PTPRD: variants seen among roughly 807,000 people sequenced by gnomAD.
PTPRD encodes the protein receptor-type tyrosine-protein phosphatase delta.
A neutral mutation model predicts 214.5 loss-of-function variants in PTPRD; 34 were observed. The observed-to-expected ratio is 0.16, with a 90% CI of 0.12 to 0.21. The LOEUF (loss-of-function observed/expected upper bound fraction) is 0.21, where lower values mean the gene tolerates loss of function less well. PTPRD is among the 10% of genes least tolerant of loss of function. The probability of loss-of-function intolerance (pLI) is 1.00; values close to 1 mark genes in which losing one functional copy is unlikely to be tolerated. For missense variants in PTPRD, 2,545 were observed against 2,398.7 expected (o/e 1.06, Z -1.27); for synonymous variants, 1,128 against 845.7 (o/e 1.33, Z -5.79).
intron 11 of PTPRD, among the ~76,000 whole-genome samples, chr9:8,950,447 T>C (rs186690386): frequency 6.6e-6 from 1 of 151,874 alleles, no homozygotes; most frequent in African/African-American, 2.4e-5. Flanking sequence ...AACCATCTGC[T>C]TATATGCACC....
intron 4 of PTPRD, among the ~76,000 whole-genome samples, chr9:10,026,695 A>G (rs2096929441): frequency 6.6e-6 from 1 of 152,074 alleles, no homozygotes; most frequent in Non-Finnish European, 1.5e-5. Context: ...ACCTCCCCAC[A>G]ATTTCAGTGT....
At chr9:8,394,737 TTAGG>T (rs2090623322) in intron 36 of PTPRD, among the ~76,000 whole-genome samples, 1 of 152,174 alleles carries the variant, frequency 6.6e-6, no homozygotes, top group Non-Finnish European at 1.5e-5. Flanking sequence ...GTCTCTCAGA[TTAGG>T]TAGGAACGCA....
chr9:9,951,345 A>G (rs539459239), intron 4 of PTPRD, among the ~76,000 whole-genome samples: 58 of 152,346 alleles, frequency 3.8e-4, no homozygotes, highest in South Asian at 1.4e-3. Flanking sequence ...TGTGTTAAAA[A>G]TTAGACCTAG....
At chr9:8,834,270 A>T (rs2154530675) in intron 11 of PTPRD, among the ~76,000 whole-genome samples, 1 of 152,176 alleles carries the variant, frequency 6.6e-6, no homozygotes, top group African/African-American at 2.4e-5. Flanking sequence ...TTTTAGATAG[A>T]TTTTTAAAAC....
intron 3 of PTPRD, among the ~76,000 whole-genome samples, chr9:10,243,754 C>T (rs1381913791): frequency 6.6e-6 from 1 of 152,012 alleles, no homozygotes. Flanking sequence ...CTTGCTCCAA[C>T]CTCTAATTCA....
At chr9:10,284,871 G>A (rs2095290584) in intron 3 of PTPRD, among the ~76,000 whole-genome samples, 1 of 152,170 alleles carries the variant, frequency 6.6e-6, no homozygotes, top group Admixed American at 6.5e-5. Flanking sequence ...TAAGGAGACA[G>A]GGAATGTAAG....
intron 3 of PTPRD, among the ~76,000 whole-genome samples, chr9:10,281,690 T>C (rs1386356004): frequency 6.6e-6 from 1 of 152,206 alleles, no homozygotes; most frequent in Non-Finnish European, 1.5e-5. Context: ...TATACTAAAA[T>C]TGTTGAATCC....
chr9:10,106,013 C>CAAAA (rs35421883), intron 3 of PTPRD, among the ~76,000 whole-genome samples: 16 of 56,660 alleles, frequency 2.8e-4, no homozygotes, highest in African/African-American at 7.3e-4. Flanking sequence ...ATCACATATT[C>CAAAA]AAAAAAAAAA....
At chr9:10,585,170 A>T (rs746342253) in intron 2 of PTPRD, among the ~76,000 whole-genome samples, 1 of 152,106 alleles carries the variant, frequency 6.6e-6, no homozygotes, top group African/African-American at 2.4e-5. Context: ...ATAGTGATGA[A>T]TGGGAGAAGG....
intron 2 of PTPRD, among the ~76,000 whole-genome samples, chr9:10,457,990 C>CA (rs1485136586): frequency 2.0e-5 from 3 of 151,696 alleles, no homozygotes; most frequent in Non-Finnish European, 4.4e-5. Context: ...ATATGAATTA[C>CA]AAAAGTGAAT....
At chr9:8,439,098 A>G (rs2095455314) in intron 34 of PTPRD, among the ~76,000 whole-genome samples, 1 of 152,220 alleles carries the variant, frequency 6.6e-6, no homozygotes, top group South Asian at 2.1e-4. Context: ...TGGATACCAT[A>G]TTGCACTCCA....
At chr9:8,818,383 A>G (rs2096967111) in intron 11 of PTPRD, among the ~76,000 whole-genome samples, 2 of 152,188 alleles carry the variant, frequency 1.3e-5, no homozygotes, top group Admixed American at 1.3e-4. Flanking sequence ...TTAATAACTT[A>G]TTTATAATAC....
At chr9:9,422,869 C>T (rs2079326956) in intron 8 of PTPRD, among the ~76,000 whole-genome samples, 1 of 152,170 alleles carries the variant, frequency 6.6e-6, no homozygotes, top group African/African-American at 2.4e-5. Flanking sequence ...AAACAAGGAG[C>T]TGAAAAGCTG....
intron 9 of PTPRD, among the ~76,000 whole-genome samples, chr9:9,395,641 C>G (rs1432042377): frequency 6.6e-6 from 1 of 152,024 alleles, no homozygotes; most frequent in Admixed American, 6.6e-5. Flanking sequence ...CCTCTTGACC[C>G]CATTATTCAT....
At chr9:8,852,217 A>G (rs2097831615) in intron 11 of PTPRD, among the ~76,000 whole-genome samples, 1 of 152,224 alleles carries the variant, frequency 6.6e-6, no homozygotes, top group African/African-American at 2.4e-5. Context: ...AGCTACTGCT[A>G]CATTAAAGAA....
chr9:10,012,420 A>T (rs2096620800), intron 4 of PTPRD, among the ~76,000 whole-genome samples: 1 of 151,928 alleles, frequency 6.6e-6, no homozygotes. Context: ...GCAACTTTTC[A>T]CTTATGTGTA....
At chr9:10,314,271 C>A (rs201455777) in intron 3 of PTPRD, among the ~76,000 whole-genome samples, 1 of 151,688 alleles carries the variant, frequency 6.6e-6, no homozygotes, top group East Asian at 1.9e-4. Flanking sequence ...GAGAAAAAGC[C>A]TCCAACCAGG....
intron 14 of PTPRD, among the ~76,000 whole-genome samples, chr9:8,580,804 A>G (rs1286976224): frequency 6.6e-6 from 1 of 152,234 alleles, no homozygotes; most frequent in Non-Finnish European, 1.5e-5. Flanking sequence ...TTATATAAAC[A>G]GCAAATAGCA....
intron 8 of PTPRD, among the ~76,000 whole-genome samples, chr9:9,461,107 G>A (rs1489451042): frequency 2.0e-5 from 3 of 151,810 alleles, no homozygotes; most frequent in Non-Finnish European, 4.4e-5. Context: ...CTTATAAGTG[G>A]GAGCTAAACA....
Sources: allele counts gnomAD v4.1 joint callset (sites outside exome capture counted in the v4.1 genomes callset), GRCh38; gene constraint gnomAD v4.1.1; transcripts MANE v1.5; gene names NCBI Gene and HGNC (gene_info 2026-07-23, HGNC 2026-07-21).